Variants in GABRG3 observed in about 807,000 individuals in gnomAD.
The protein encoded by GABRG3 is gamma-aminobutyric acid type A receptor subunit gamma3.
A neutral mutation model predicts 48.8 loss-of-function variants in GABRG3; 25 were observed. That is an observed-to-expected ratio of 0.51 (90% CI 0.37 to 0.72). GABRG3 has a LOEUF of 0.72. Among genes scored for constraint, GABRG3 ranks in the 30% least tolerant of loss-of-function variants. The pLI, the probability that GABRG3 is intolerant of heterozygous loss-of-function variation, is 0.00. For synonymous variants in GABRG3, 227 were observed against 217.6 expected, an observed-to-expected ratio of 1.04 and a Z score of -0.38; for missense variants, 394 against 577.9, an observed-to-expected ratio of 0.68 and a Z score of 3.26.
intron 3 of GABRG3, among the ~76,000 whole-genome samples, chr15:27,197,607 G>A (rs957061384): frequency 3.9e-4 from 60 of 152,126 alleles, no homozygotes; most frequent in African/African-American, 1.3e-3. Context: ...AACATTGCAC[G>A]TGCGTTTTTT....
At chr15:27,439,077 C>A in intron 5 of GABRG3, among the ~76,000 whole-genome samples, 1 of 152,268 alleles carries the variant, frequency 6.6e-6, no homozygotes, top group South Asian at 2.1e-4. Flanking sequence ...TTGCTGTTAA[C>A]TTTCTCCTCC....
At chr15:27,130,961 A>G (rs888283489) in intron 3 of GABRG3, among the ~76,000 whole-genome samples, 4 of 152,046 alleles carry the variant, frequency 2.6e-5, no homozygotes, top group Admixed American at 2.6e-4. Context: ...GCTTTTCTAC[A>G]TATAAAATCA....
chr15:27,078,052 T>C (rs7179575), intron 3 of GABRG3, among the ~76,000 whole-genome samples: 112,917 of 152,138 alleles, frequency 0.74, 43,334 homozygotes, highest in African/African-American at 0.94. Context: ...GCTTTCCTTG[T>C]GTGATGATCA....
intron 6 of GABRG3, among the ~76,000 whole-genome samples, chr15:27,496,936 T>G (rs1040716680): frequency 1.3e-5 from 2 of 152,206 alleles, no homozygotes; most frequent in Admixed American, 1.3e-4. Context: ...CTGATGATGA[T>G]GTTCTGTGAA....
rs1291142767 is a variant in GABRG3 at position 27,388,301 on chromosome 15, A to G, written c.574+59413A>G. Among the ~76,000 whole-genome samples, 9 of 35,870 alleles carry G rather than the reference A, an allele frequency of 2.5e-4. 1 individual carries two copies. Among genetic ancestry groups the G allele is most frequent in the Non-Finnish European group, 2.6e-4 (5 of 19,412 alleles). The allele number at this position is 35,870 out of a possible 152,430, so 23.5% of individuals were successfully genotyped here. Reference sequence around the variant, plus strand: ...TAAGGAAGGAAGGAAGAAAAGAAGGAAGGAAAGGGAGGGAGGGAAAAGAAG... The same window carrying G: ...TAAGGAAGGAAGGAAGAAAAGAAGGGAGGAAAGGGAGGGAGGGAAAAGAAG... On this transcript the variant is annotated intron_variant, in intron 5 of 9. Coordinates refer to ENST00000615808, the MANE Select transcript of GABRG3 (RefSeq NM_033223.5).
intron 3 of GABRG3, among the ~76,000 whole-genome samples, chr15:27,154,501 T>C (rs1454679268): frequency 6.6e-6 from 1 of 152,182 alleles, no homozygotes; most frequent in East Asian, 1.9e-4. Context: ...GTTGAGGAAG[T>C]TCTCCTCTGT....
chr15:27,027,962 C>A (rs984319435), intron 3 of GABRG3, among the ~76,000 whole-genome samples: 1 of 152,232 alleles, frequency 6.6e-6, no homozygotes, highest in Non-Finnish European at 1.5e-5. Flanking sequence ...TTATGTCTAA[C>A]ACTCAAAGAA....
rs1555369766 is a variant in GABRG3 at position 27,306,653 on chromosome 15, T to TATA, written c.271-20155_271-20153dup. ...AAACATATATTTATATATAAACATA[T>TATA]ATATGAACATGTTTATATATAAACA... On this transcript the variant is annotated intron_variant, in intron 3 of 9. Transcript: ENST00000615808. Among the ~76,000 whole-genome samples, 15 of 61,128 alleles carry TATA rather than the reference T, an allele frequency of 2.5e-4. 2 individuals carry two copies. The highest frequency in any genetic ancestry group is 8.9e-4 in the African/African-American group (14 of 15,806). The allele number at this position is 61,128 out of a possible 152,430, so 40.1% of individuals were successfully genotyped here.
chr15:27,394,584 C>G (rs571766253), intron 5 of GABRG3, among the ~76,000 whole-genome samples: 1 of 152,126 alleles, frequency 6.6e-6, no homozygotes, highest in East Asian at 1.9e-4. Context: ...TCTGTCTATC[C>G]ATTTGTTTTT....
intron 3 of GABRG3, among the ~76,000 whole-genome samples, chr15:27,034,750 C>G (rs1393118131): frequency 6.6e-6 from 1 of 152,196 alleles, no homozygotes; most frequent in African/African-American, 2.4e-5. Context: ...TCCAGAGGCC[C>G]TTGTAAATAT....
chr15:27,413,809 C>T (rs532620672), intron 5 of GABRG3, among the ~76,000 whole-genome samples: 2 of 152,200 alleles, frequency 1.3e-5, no homozygotes, highest in African/African-American at 4.8e-5. Context: ...ACAACTATTT[C>T]TTTGGTTTGG....
chr15:27,299,868 A>C (rs1892135102), intron 3 of GABRG3, among the ~76,000 whole-genome samples: 2 of 152,116 alleles, frequency 1.3e-5, no homozygotes, highest in Non-Finnish European at 2.9e-5. Flanking sequence ...ATGCCAGAGA[A>C]TAAAAAAGTA....
chr15:27,402,736 A>T (rs1416022223), intron 5 of GABRG3, among the ~76,000 whole-genome samples: 2 of 152,250 alleles, frequency 1.3e-5, no homozygotes, highest in African/African-American at 4.8e-5. Flanking sequence ...ACAAATTTTC[A>T]TATTCAATAT....
At chr15:27,530,622 C>A in intron 9 of GABRG3, 1 of 471,094 alleles carries the variant, frequency 2.1e-6, no homozygotes, top group Non-Finnish European at 4.4e-6. Context: ...AGAAGCCATC[C>A]TGCTGCCCTG....
intron 3 of GABRG3, among the ~76,000 whole-genome samples, chr15:27,099,576 G>A (rs906511769): frequency 2.0e-5 from 3 of 152,090 alleles, no homozygotes; most frequent in African/African-American, 7.2e-5. Context: ...ACACTCTAAA[G>A]TGCTGGGGCC....
intron 3 of GABRG3, among the ~76,000 whole-genome samples, chr15:27,151,642 G>A (rs369474716): frequency 9.3e-4 from 141 of 152,282 alleles, no homozygotes; most frequent in African/African-American, 3.3e-3. Context: ...ATCAGGGAAA[G>A]AGAGTAAAGG....
chr15:27,290,900 C>T (rs777752637), intron 3 of GABRG3, among the ~76,000 whole-genome samples: 5 of 151,970 alleles, frequency 3.3e-5, no homozygotes, highest in East Asian at 1.9e-4. Flanking sequence ...GTCAATAATA[C>T]GAAAAAGTAG....
chr15:27,171,499 A>G (rs1191098769), intron 3 of GABRG3, among the ~76,000 whole-genome samples: 1 of 84,730 alleles, frequency 1.2e-5, no homozygotes, highest in Non-Finnish European at 2.5e-5. Context: ...GTGTGTGTGC[A>G]TGTCTAACAT....
chr15:27,342,248 C>T (rs1894208222), intron 5 of GABRG3, among the ~76,000 whole-genome samples: 1 of 152,228 alleles, frequency 6.6e-6, no homozygotes, highest in Admixed American at 6.5e-5. Context: ...CAGTCCCCAC[C>T]TACCAATTTC....
Sources: gnomAD v4.1 joint callset for allele counts (sites outside exome capture counted in the v4.1 genomes callset) on GRCh38, gnomAD v4.1.1 for gene constraint, MANE v1.5 for transcripts, NCBI Gene and HGNC (gene_info 2026-07-23, HGNC 2026-07-21) for gene names.